P2RY6: variants seen among roughly 807,000 people sequenced by gnomAD.
The protein encoded by P2RY6 is P2Y purinoceptor 6.
A neutral mutation model predicts 16.3 loss-of-function variants in P2RY6; 19 were observed. The observed-to-expected ratio is 1.16, with a 90% CI of 0.81 to 1.71. P2RY6 has a LOEUF of 1.71. Ranked by LOEUF, P2RY6 falls within the 40% of genes most tolerant of loss-of-function variation. The pLI is 0.00. For missense variants in P2RY6, 389 were observed against 455.5 expected, an observed-to-expected ratio of 0.85 and a Z score of 1.33; for synonymous variants, 184 against 201.5, an observed-to-expected ratio of 0.91 and a Z score of 0.74.
intron 1 of P2RY6, among the ~76,000 whole-genome samples, chr11:73,281,915 C>T (rs1308134076): frequency 6.6e-6 from 1 of 152,224 alleles, no homozygotes; most frequent in Non-Finnish European, 1.5e-5. Flanking sequence ...TTCTACTCCT[C>T]CAAGTCCCCT....
chr11:73,293,425 C>A (rs1864351410), intron 1 of P2RY6, among the ~76,000 whole-genome samples: 1 of 152,166 alleles, frequency 6.6e-6, no homozygotes, highest in Non-Finnish European at 1.5e-5. Flanking sequence ...GTAGTCAGAG[C>A]CACTTGTTAG....
chr11:73,289,877 C>T (rs1418169876), intron 1 of P2RY6, among the ~76,000 whole-genome samples: 1 of 152,216 alleles, frequency 6.6e-6, no homozygotes, highest in Admixed American at 6.5e-5. Context: ...CCACCCCCCA[C>T]CAAATTGCCC....
chr11:73,266,724 G>C (rs1422233632), intron 1 of P2RY6, among the ~76,000 whole-genome samples: 1 of 152,190 alleles, frequency 6.6e-6, no homozygotes, highest in Non-Finnish European at 1.5e-5. Context: ...GGAAACATCT[G>C]GGGAGGGAAC....
intron 1 of P2RY6, among the ~76,000 whole-genome samples, chr11:73,284,223 A>T (rs1209621936): frequency 6.6e-6 from 1 of 152,176 alleles, no homozygotes; most frequent in Non-Finnish European, 1.5e-5. Flanking sequence ...CACTCAACCA[A>T]GTCATGTCCT....
chr11:73,276,566 G>A (rs1440743664), intron 1 of P2RY6, among the ~76,000 whole-genome samples: 3 of 152,092 alleles, frequency 2.0e-5, no homozygotes, highest in South Asian at 2.1e-4. Context: ...GCTACAACAC[G>A]GATGAACCCT....
At chr11:73,275,669 CAG>C (rs10589343) in intron 1 of P2RY6, among the ~76,000 whole-genome samples, 27,863 of 152,160 alleles carry the variant, frequency 0.18, 2,905 homozygotes, top group African/African-American at 0.29. Context: ...GGAGAGGAAA[CAG>C]AGGCACAGAG....
At chr11:73,295,477 G>A (rs550130550) in intron 1 of P2RY6, among the ~76,000 whole-genome samples, 1 of 152,162 alleles carries the variant, frequency 6.6e-6, no homozygotes, top group African/African-American at 2.4e-5. Flanking sequence ...GGGCAGTTGG[G>A]TTCTGGTTCT....
chr11:73,273,384 G>A (rs1464855968), intron 1 of P2RY6, among the ~76,000 whole-genome samples: 1 of 152,142 alleles, frequency 6.6e-6, no homozygotes, highest in East Asian at 1.9e-4. Context: ...ACTATAAAGT[G>A]TTGTGCCCCA....
chr11:73,296,272 A>T (rs1864478563), intron 2 of P2RY6, among the ~76,000 whole-genome samples: 2 of 149,576 alleles, frequency 1.3e-5, no homozygotes, highest in Non-Finnish European at 3.0e-5. Context: ...TATAAACAAA[A>T]TGAATCAGAT....
upstream of P2RY6, chr11:73,271,514 C>T (rs1368897623): frequency 6.6e-6 from 1 of 152,248 alleles, no homozygotes; most frequent in Non-Finnish European, 1.5e-5. Context: ...ATGATAGGGA[C>T]TGCGAGCACC....
Sources: gnomAD v4.1 joint callset for allele counts (sites outside exome capture counted in the v4.1 genomes callset) on GRCh38, gnomAD v4.1.1 for gene constraint, MANE v1.5 for transcripts, NCBI Gene and HGNC (gene_info 2026-07-23, HGNC 2026-07-21) for gene names.